STX6: variants seen among roughly 807,000 people sequenced by gnomAD.
The protein encoded by STX6 is syntaxin-6.
STX6 carries 23 observed loss-of-function variants against 38.0 expected under a neutral mutation model. That is an observed-to-expected ratio of 0.60 (90% confidence interval 0.43 to 0.86). The LOEUF is 0.86. Among genes scored for constraint, STX6 ranks in the 40% least tolerant of loss-of-function variants. The probability of loss-of-function intolerance (pLI) is 0.00; values close to 1 mark genes in which losing one functional copy is unlikely to be tolerated. For synonymous variants in STX6, 123 were observed against 107.5 expected, an observed-to-expected ratio of 1.14 and a Z score of -0.89; for missense variants, 274 against 312.9, an observed-to-expected ratio of 0.88 and a Z score of 0.94.
At position 180,989,969 on chromosome 1, in the gene STX6, G is replaced by A. The variant is rs756957940; in HGVS notation, c.489+15C>T. 6.2e-7 allele frequency: 1 copy of A among 1,613,026 alleles called. No homozygotes were observed. The highest frequency in any genetic ancestry group is 1.7e-5 in the Admixed American group (1 of 60,008). ...TTCCCACTGGCCCGTCCTAAGTCTGGGGTCCTTGGGGTACCTGCTGCTGTG... is the reference window on the plus strand; with the variant it reads ...TTCCCACTGGCCCGTCCTAAGTCTGAGGTCCTTGGGGTACCTGCTGCTGTG... On this transcript the variant is annotated intron_variant, in intron 5 of 7. Transcript: ENST00000258301.
At chr1:181,012,607 C>G (rs1656432558) in intron 1 of STX6, among the ~76,000 whole-genome samples, 1 of 151,252 alleles carries the variant, frequency 6.6e-6, no homozygotes, top group African/African-American at 2.4e-5. Context: ...CTGCCCACAT[C>G]TTTGAAGAAT....
Position 180,994,921 on chromosome 1 carries a change from A to G in STX6, c.301-1496T>C, listed in dbSNP as rs1655858449. On this transcript the variant is annotated intron_variant, in intron 3 of 7. Coordinates refer to ENST00000258301, the MANE Select transcript of STX6 (RefSeq NM_005819.6). ...ATACATGTATCAAAATATCACATGT[A>G]CCCTAAAAATATGCACAACCATATG... is the stretch of plus-strand genomic sequence containing the variant. Among the ~76,000 whole-genome samples, 3 of 151,742 alleles carry G rather than the reference A, an allele frequency of 2.0e-5. No individual in the cohort carries two copies. In the South Asian group the frequency reaches 6.3e-4, roughly 32 times the overall value.
At chr1:180,986,792 A>G (rs1655600533) in intron 6 of STX6, among the ~76,000 whole-genome samples, 1 of 152,114 alleles carries the variant, frequency 6.6e-6, no homozygotes, top group African/African-American at 2.4e-5. Context: ...GGGTGTGTCA[A>G]TGCACCATCT....
At chr1:180,999,013 A>G (rs1655995772) in intron 3 of STX6, among the ~76,000 whole-genome samples, 3 of 152,210 alleles carry the variant, frequency 2.0e-5, no homozygotes, top group Admixed American at 6.5e-5. Flanking sequence ...CTTCCCACTC[A>G]TAATTCTTAC....
chr1:181,000,343 T>C (rs1656044866), intron 3 of STX6, among the ~76,000 whole-genome samples: 1 of 152,190 alleles, frequency 6.6e-6, no homozygotes, highest in Non-Finnish European at 1.5e-5. Flanking sequence ...TGACTCACAG[T>C]TCAGCATGGC....
intron 6 of STX6, among the ~76,000 whole-genome samples, chr1:180,986,091 G>T (rs1283887176): frequency 1.3e-5 from 2 of 152,200 alleles, no homozygotes; most frequent in East Asian, 3.8e-4. Context: ...CTACCTTTCT[G>T]CGCTAGGTAT....
At chr1:181,004,211 T>A (rs1416659707) in intron 2 of STX6, among the ~76,000 whole-genome samples, 1 of 152,216 alleles carries the variant, frequency 6.6e-6, no homozygotes, top group African/African-American at 2.4e-5. Context: ...GGTAACTGGT[T>A]GTGATACTGT....
rs951921809 is a variant in STX6, at chr1:181,022,781, C to T, written c.-108G>A. 1.1e-5 allele frequency: 13 copies of T among 1,169,976 alleles called. No individual in the cohort carries two copies. The African/African-American group carries it at 1.8e-4, about 17-fold the overall frequency. 72.5% of individuals were successfully genotyped at this position (1,169,976 alleles called of 1,614,324 possible). On this transcript the variant is annotated 5_prime_UTR_variant, in exon 1 of 8. Transcript: ENST00000258301. ...TTCCCGCAGCTGCCCGCGCCTTAGT[C>T]TGGGTGAAGCCGAGCAGCGGGCACG...
chr1:181,012,630 A>G (rs1656433323), intron 1 of STX6, among the ~76,000 whole-genome samples: 1 of 151,974 alleles, frequency 6.6e-6, no homozygotes, highest in South Asian at 2.1e-4. Flanking sequence ...ATCTTTTGGG[A>G]AAAACAAAAT....
intron 3 of STX6, among the ~76,000 whole-genome samples, chr1:180,998,655 A>AT (rs547242861): frequency 2.8e-4 from 42 of 152,326 alleles, no homozygotes; most frequent in African/African-American, 9.9e-4. Flanking sequence ...TGCTGGGATT[A>AT]TAGGCATGAG....
intron 7 of STX6, among the ~76,000 whole-genome samples, chr1:180,980,394 T>C (rs1387049699): frequency 6.6e-6 from 1 of 152,000 alleles, no homozygotes; most frequent in Non-Finnish European, 1.5e-5. Flanking sequence ...TAACTCCTAG[T>C]GGGAATTCAA....
chr1:180,974,962 T>C lies in STX6; in HGVS notation c.*1608A>G, dbSNP rs1003299883. On this transcript the variant is annotated 3_prime_UTR_variant, in exon 8 of 8. Coordinates refer to ENST00000258301, the MANE Select transcript of STX6 (RefSeq NM_005819.6). ...TCTCAAATGAGATAAAATATCCTTCTTCAAAAATTGTTAAGAATATTTATT... is the reference window on the plus strand; with the variant it reads ...TCTCAAATGAGATAAAATATCCTTCCTCAAAAATTGTTAAGAATATTTATT... 4 of 152,646 alleles carry C rather than the reference T, an allele frequency of 2.6e-5. No individual in the cohort carries two copies. The highest frequency in any genetic ancestry group is 9.7e-5 in the African/African-American group (4 of 41,450). The allele number at this position is 152,646 out of a possible 1,614,324, so 9.5% of individuals were successfully genotyped here.
At chr1:180,977,968 T>C (rs866581345) in intron 7 of STX6, among the ~76,000 whole-genome samples, 2 of 152,344 alleles carry the variant, frequency 1.3e-5, no homozygotes, top group Admixed American at 6.5e-5. Flanking sequence ...TAGTTAACTC[T>C]GAGCAGGACA....
chr1:180,982,025 TA>T (rs950890679), intron 7 of STX6, among the ~76,000 whole-genome samples: 18 of 152,286 alleles, frequency 1.2e-4, no homozygotes, highest in Middle Eastern at 6.8e-3. Context: ...AGTATCTACT[TA>T]AAATAAAATA....
At chr1:180,983,315 G>GTTGGT (rs1655467280) in intron 7 of STX6, among the ~76,000 whole-genome samples, 1 of 152,186 alleles carries the variant, frequency 6.6e-6, no homozygotes, top group Admixed American at 6.5e-5. Flanking sequence ...AAGAAAAGGT[G>GTTGGT]TCAAGAAACA....
intron 7 of STX6, among the ~76,000 whole-genome samples, chr1:180,984,086 A>AC (rs1655496572): frequency 1.3e-5 from 2 of 149,966 alleles, no homozygotes; most frequent in Non-Finnish European, 3.0e-5. Flanking sequence ...AAAAAAAAAA[A>AC]AAAACACAAC....
chr1:181,019,700 G>T (rs1180787921), intron 1 of STX6, among the ~76,000 whole-genome samples: 1 of 152,184 alleles, frequency 6.6e-6, no homozygotes, highest in Non-Finnish European at 1.5e-5. Flanking sequence ...GGGTACACCT[G>T]TCTAGGACTC....
At chr1:181,014,526 C>A (rs1378109339) in intron 1 of STX6, among the ~76,000 whole-genome samples, 5 of 152,238 alleles carry the variant, frequency 3.3e-5, no homozygotes, top group African/African-American at 1.2e-4. Flanking sequence ...CAAGTCTTTA[C>A]AGAGGGATCC....
chr1:180,986,933 C>T (rs1310144357), intron 6 of STX6, among the ~76,000 whole-genome samples: 1 of 152,192 alleles, frequency 6.6e-6, no homozygotes, highest in Non-Finnish European at 1.5e-5. Flanking sequence ...TTTAGATAGA[C>T]ATGAAACAGA....
Sources: allele counts gnomAD v4.1 joint callset (sites outside exome capture counted in the v4.1 genomes callset), GRCh38; gene constraint gnomAD v4.1.1; transcripts MANE v1.5; gene names NCBI Gene and HGNC (gene_info 2026-07-23, HGNC 2026-07-21).